STIM2: variants seen among roughly 807,000 people sequenced by gnomAD.
The protein encoded by STIM2 is stromal interaction molecule 2.
In STIM2, 31 loss-of-function variants were observed where a neutral mutation model predicts 85.8. The ratio of observed to expected loss-of-function variants is 0.36; its 90% CI spans 0.27 to 0.49. The LOEUF (loss-of-function observed/expected upper bound fraction) is 0.49. STIM2 is among the 20% of genes least tolerant of loss of function. The pLI, the probability that STIM2 is intolerant of heterozygous loss-of-function variation, is 0.98. For missense variants in STIM2, 841 were observed against 927.6 expected (o/e 0.91, Z 1.21); for synonymous variants, 356 against 331.1 (o/e 1.08, Z -0.82).
chr4:26,951,255 TTTAACATTTTAA>T (rs1446741069), intron 2 of STIM2, among the ~76,000 whole-genome samples: 1 of 152,120 alleles, frequency 6.6e-6, no homozygotes, highest in East Asian at 1.9e-4. Context: ...GTAATGAGCA[TTTAACATTTTAA>T]TTGATATTGC....
At chr4:26,968,844 C>T (rs1726827282) in intron 3 of STIM2, among the ~76,000 whole-genome samples, 1 of 152,106 alleles carries the variant, frequency 6.6e-6, no homozygotes, top group Non-Finnish European at 1.5e-5. Flanking sequence ...TTCTTAAGAA[C>T]TGGTAGATCT....
chr4:26,950,820 A>G (rs1726022750), intron 2 of STIM2, among the ~76,000 whole-genome samples: 1 of 152,170 alleles, frequency 6.6e-6, no homozygotes, highest in African/African-American at 2.4e-5. Context: ...GGAGTTAGCA[A>G]GCAGTGCCTT....
chr4:26,939,507 T>C (rs1725519809), intron 2 of STIM2, among the ~76,000 whole-genome samples: 1 of 152,206 alleles, frequency 6.6e-6, no homozygotes, highest in African/African-American at 2.4e-5. Flanking sequence ...AATTAAAGAA[T>C]ATTTTGCCGG....
At chr4:27,018,902 A>G (rs1728822919) in intron 11 of STIM2, among the ~76,000 whole-genome samples, 1 of 152,278 alleles carries the variant, frequency 6.6e-6, no homozygotes, top group Admixed American at 6.5e-5. Context: ...TTGCTAACAC[A>G]TAAGCAGTAT....
chr4:26,880,608 T>TAA lies in STIM2; in HGVS notation c.151+19241_151+19242dup, dbSNP rs1329082502. On this transcript the variant is annotated intron_variant, in intron 1 of 11. Transcript: ENST00000467087. ...TTTTGTGCATAAACCTTCATATATA[T>TAA]AAATATATATGTAAATATATATATA... Among the ~76,000 whole-genome samples the TAA allele has an allele frequency of 1.2e-4, 18 of 146,752 alleles. No individual in the cohort carries two copies. The East Asian group carries it at 2.5e-3, about 21-fold the overall frequency.
intron 2 of STIM2, among the ~76,000 whole-genome samples, chr4:26,949,908 TATA>T (rs978238857): frequency 6.6e-6 from 1 of 152,232 alleles, no homozygotes; most frequent in African/African-American, 2.4e-5. Flanking sequence ...GTTTTTGCTT[TATA>T]AAAATATTAA....
At chr4:26,896,673 C>A (rs2109048848) in intron 1 of STIM2, among the ~76,000 whole-genome samples, 1 of 152,226 alleles carries the variant, frequency 6.6e-6, no homozygotes, top group Admixed American at 6.5e-5. Flanking sequence ...AAATATAGTA[C>A]ATTATCAAAA....
At position 26,911,271 on chromosome 4, in the gene STIM2, A is replaced by G. The variant is rs191308458; in HGVS notation, c.152-8233A>G. ...ATAAATAAATAAAATGAAATGAAAT[A>G]AAATAAAAAAAATGAAATAAAACAT... On this transcript the variant is annotated intron_variant, in intron 1 of 11. Transcript: ENST00000467087. Among the ~76,000 whole-genome samples the G allele has an allele frequency of 6.6e-5, 10 of 152,128 alleles. No homozygotes were observed. In the East Asian group the frequency reaches 9.7e-4, roughly 15 times the overall value.
chr4:27,017,356 TTTATG>T (rs1252532902), intron 10 of STIM2, among the ~76,000 whole-genome samples: 1 of 152,196 alleles, frequency 6.6e-6, no homozygotes, highest in East Asian at 1.9e-4. Flanking sequence ...TTGTCCTTTC[TTTATG>T]TTAACAGTCA....
chr4:26,886,784 T>G (rs950680822), intron 1 of STIM2, among the ~76,000 whole-genome samples: 36 of 152,074 alleles, frequency 2.4e-4, no homozygotes, highest in African/African-American at 8.7e-4. Context: ...TACTGCAGGG[T>G]TTTTGAGAAG....
chr4:26,890,014 G>C (rs1349087011), intron 1 of STIM2, among the ~76,000 whole-genome samples: 1 of 152,110 alleles, frequency 6.6e-6, no homozygotes, highest in East Asian at 1.9e-4. Context: ...TGGTGTACAC[G>C]GTGGCACCTC....
At chr4:26,882,829 C>A (rs1723061923) in intron 1 of STIM2, among the ~76,000 whole-genome samples, 1 of 149,784 alleles carries the variant, frequency 6.7e-6, no homozygotes, top group Non-Finnish European at 1.5e-5. Flanking sequence ...TTTCTTGTTT[C>A]CTTTTCTTTC....
At chr4:26,862,257 A>T (rs1348806378) in intron 1 of STIM2, among the ~76,000 whole-genome samples, 1 of 151,964 alleles carries the variant, frequency 6.6e-6, no homozygotes, top group Admixed American at 6.5e-5. Context: ...TTTAAGTAAA[A>T]GTTATTATAT....
intron 2 of STIM2, among the ~76,000 whole-genome samples, chr4:26,935,878 C>T (rs1413665731): frequency 6.6e-6 from 1 of 152,120 alleles, no homozygotes; most frequent in East Asian, 1.9e-4. Context: ...TAATCTCAGG[C>T]ACAATATTTA....
chr4:26,915,479 C>A (rs1421979249), intron 1 of STIM2, among the ~76,000 whole-genome samples: 3 of 152,038 alleles, frequency 2.0e-5, no homozygotes, highest in African/African-American at 7.2e-5. Flanking sequence ...AGGTGATCCG[C>A]CTGCCTCAGC....
chr4:26,982,217 C>T (rs968381690), intron 3 of STIM2, among the ~76,000 whole-genome samples: 12 of 151,556 alleles, frequency 7.9e-5, no homozygotes, highest in African/African-American at 2.9e-4. Flanking sequence ...ATAACAAAGA[C>T]ATATTTTGAA....
At chr4:27,001,454 A>G (rs1390442753) in intron 5 of STIM2, among the ~76,000 whole-genome samples, 1 of 152,198 alleles carries the variant, frequency 6.6e-6, no homozygotes, top group Non-Finnish European at 1.5e-5. Context: ...TAGACACCTA[A>G]AACTGAATAA....
intron 8 of STIM2, chr4:27,008,110 C>A: frequency 4.4e-6 from 3 of 676,466 alleles, no homozygotes; most frequent in Non-Finnish European, 8.1e-6. Flanking sequence ...AGTTCACTCA[C>A]TAGCACCATT....
chr4:26,922,089 T>A (rs1404534810), intron 2 of STIM2, among the ~76,000 whole-genome samples: 1 of 152,180 alleles, frequency 6.6e-6, no homozygotes, highest in East Asian at 1.9e-4. Context: ...ACTGATGGAT[T>A]ATTAAGAGTT....
Sources: allele counts gnomAD v4.1 joint callset (sites outside exome capture counted in the v4.1 genomes callset), GRCh38; gene constraint gnomAD v4.1.1; transcripts MANE v1.5; gene names NCBI Gene and HGNC (gene_info 2026-07-23, HGNC 2026-07-21).